Variants in SERPINB5 observed in about 807,000 individuals in gnomAD.
The protein encoded by SERPINB5 is serpin B5.
SERPINB5 carries 27 observed loss-of-function variants against 32.2 expected under a neutral mutation model. The observed-to-expected ratio is 0.84, with a 90% CI of 0.62 to 1.16. The LOEUF (loss-of-function observed/expected upper bound fraction) is 1.16, where lower values mean the gene tolerates loss of function less well. Ranked by LOEUF, SERPINB5 falls within the 50% of genes most tolerant of loss-of-function variation. The pLI is 0.00. For missense variants in SERPINB5, 388 were observed against 436.3 expected (o/e 0.89, Z 0.99); for synonymous variants, 154 against 157.4 (o/e 0.98, Z 0.16).
At chr18:63,502,261 G>A (rs1026859634) in intron 6 of SERPINB5, among the ~76,000 whole-genome samples, 3 of 150,558 alleles carry the variant, frequency 2.0e-5, no homozygotes, top group Non-Finnish European at 2.9e-5. Context: ...TCAGCCTCCC[G>A]AGTAGCTGGG....
At chr18:63,486,146 A>G (rs1297758207) in intron 2 of SERPINB5, 1 of 152,248 alleles carries the variant, frequency 6.6e-6, no homozygotes, top group East Asian at 1.9e-4. Context: ...ACATATAAGT[A>G]ATCCTCATTA....
chr18:63,492,847 G>A (rs1255624723), intron 4 of SERPINB5, 106 bp from the exon 5 acceptor site: 29 of 1,383,384 alleles, frequency 2.1e-5, no homozygotes, highest in Non-Finnish European at 2.9e-5. Context: ...GGCCTTACAT[G>A]GTGTGACTCC....
intron 1 of SERPINB5, among the ~76,000 whole-genome samples, chr18:63,479,194 T>C (rs554613120): frequency 5.9e-5 from 9 of 152,294 alleles, no homozygotes; most frequent in African/African-American, 2.2e-4. Context: ...AATCAGGATA[T>C]GTTTGAGAGT....
rs566865799 is a variant in SERPINB5 at position 63,497,385 on chromosome 18, C to T, written c.568-1735C>T. ...TCTGTTTGATGGTCGCCTTCCTTATCCTCTTCGCCATGTGAAGCTCTGTGG... is the reference window on the plus strand; with the variant it reads ...TCTGTTTGATGGTCGCCTTCCTTATTCTCTTCGCCATGTGAAGCTCTGTGG... On this transcript the variant is annotated intron_variant, in intron 5 of 6. Coordinates refer to ENST00000382771, the MANE Select transcript of SERPINB5 (RefSeq NM_002639.5). 2.6e-4 allele frequency: 328 copies of T among 1,261,748 alleles called. 2 individuals carry two copies. In the African/African-American group the frequency reaches 4.3e-3, roughly 16 times the overall value. 78.2% of individuals were successfully genotyped at this position (1,261,748 alleles called of 1,614,324 possible).
At chr18:63,488,099 A>G (rs1424612062) in intron 3 of SERPINB5, among the ~76,000 whole-genome samples, 1 of 152,090 alleles carries the variant, frequency 6.6e-6, no homozygotes, top group African/African-American at 2.4e-5. Flanking sequence ...TAAAGAGACA[A>G]TTAACACATT....
At chr18:63,483,325 T>C (rs1917154424) in intron 1 of SERPINB5, among the ~76,000 whole-genome samples, 1 of 152,192 alleles carries the variant, frequency 6.6e-6, no homozygotes, top group Non-Finnish European at 1.5e-5. Flanking sequence ...AAGGAGGAGG[T>C]CCACTGATCC....
intron 4 of SERPINB5, 114 bp from the exon 5 acceptor site, chr18:63,492,839 C>A: frequency 1.6e-6 from 2 of 1,286,904 alleles, no homozygotes; most frequent in Non-Finnish European, 2.2e-6. Context: ...AACCATCAGG[C>A]CTTACATGGT....
At chr18:63,482,792 C>T (rs8090049) in intron 1 of SERPINB5, among the ~76,000 whole-genome samples, 81,875 of 150,858 alleles carry the variant, frequency 0.54, 23,471 homozygotes, top group Non-Finnish European at 0.65. Context: ...GAAAACCAGA[C>T]ACATTTTGAA....
chr18:63,477,277 C>G (rs1917051384), intron 1 of SERPINB5: 1 of 152,176 alleles, frequency 6.6e-6, no homozygotes, highest in African/African-American at 2.4e-5. Context: ...GGAGTAAAAT[C>G]ACTTAACCAT....
chr18:63,484,819 C>A (rs1311583883), intron 2 of SERPINB5, among the ~76,000 whole-genome samples: 1 of 131,160 alleles, frequency 7.6e-6, no homozygotes, highest in African/African-American at 2.9e-5. Context: ...GCGATGTTGG[C>A]TCACTGCAGC....
chr18:63,481,363 A>T (rs895739516), intron 1 of SERPINB5, among the ~76,000 whole-genome samples: 1 of 152,242 alleles, frequency 6.6e-6, no homozygotes, highest in Non-Finnish European at 1.5e-5. Context: ...GATCTTAAAC[A>T]CCATCTTTCT....
chr18:63,484,074 T>C (rs1917166318), intron 1 of SERPINB5, among the ~76,000 whole-genome samples: 1 of 152,230 alleles, frequency 6.6e-6, no homozygotes, highest in Non-Finnish European at 1.5e-5. Context: ...GGAAACAATA[T>C]GTGATAAATA....
chr18:63,501,743 G>T (rs1339230041), intron 6 of SERPINB5, among the ~76,000 whole-genome samples: 1 of 152,134 alleles, frequency 6.6e-6, no homozygotes, highest in African/African-American at 2.4e-5. Flanking sequence ...ATTCTAACTG[G>T]TGTGAGATGG....
In SERPINB5 at chr18:63,498,648, T is replaced by C. The variant is rs1909500867; in HGVS notation, c.568-472T>C. 6.6e-6 allele frequency among the ~76,000 whole-genome samples: 1 copy of C among 152,140 alleles called. No homozygotes were observed. The highest frequency in any genetic ancestry group is 1.5e-5 in the Non-Finnish European group (1 of 68,022). On this transcript the variant is annotated intron_variant, in intron 5 of 6. Coordinates refer to ENST00000382771, the MANE Select transcript of SERPINB5 (RefSeq NM_002639.5). The surrounding 1 kb of genome is among the most constrained non-coding windows in gnomAD (Gnocchi z 4.2). ...AACTTTTCAAAGGAACACAAACTCT[T>C]CACAGGACAGTCTCTGGTTTCAGTG...
At position 63,479,375 on chromosome 18, in the gene SERPINB5, A is replaced by G. The variant is rs543904664; in HGVS notation, c.-8+2330A>G. On this transcript the variant is annotated intron_variant, in intron 1 of 6. Transcript: ENST00000382771. ...TGCATAAAAAACTTAGGAAATCTTC[A>G]TACAAAGACCAGTGACAAGCTATAA... is the stretch of plus-strand genomic sequence containing the variant. Among the ~76,000 whole-genome samples the G allele has an allele frequency of 3.3e-5, 5 of 152,306 alleles. No homozygotes were observed. The South Asian group carries it at 1.0e-3, about 32-fold the overall frequency.
intron 1 of SERPINB5, among the ~76,000 whole-genome samples, chr18:63,483,700 C>T (rs546618653): frequency 8.5e-5 from 13 of 152,344 alleles, no homozygotes; most frequent in South Asian, 4.1e-4. Context: ...CATTGCCATA[C>T]GGCATGCCCT....
In SERPINB5 at chr18:63,498,885, A is replaced by G. The variant is rs1909508258; in HGVS notation, c.568-235A>G. 6.6e-6 allele frequency among the ~76,000 whole-genome samples: 1 copy of G among 150,378 alleles called. No homozygotes were observed. The highest frequency in any genetic ancestry group is 6.7e-5 in the Admixed American group (1 of 15,020). On this transcript the variant is annotated intron_variant, in intron 5 of 6. Coordinates refer to ENST00000382771, the MANE Select transcript of SERPINB5 (RefSeq NM_002639.5). The surrounding 1 kb of genome is among the most constrained non-coding windows in gnomAD (Gnocchi z 4.2). ...TGTATATATAGGTGTGTGTATATGT[A>G]TATGTATGTATATGTATGTATGCAT...
In SERPINB5 at chr18:63,504,818, CAT is replaced by C. The variant is rs1909644727; in HGVS notation, c.*1098_*1099del. ...TTAAAGTGCTCACGTTACCTTGACA[CAT>C]AGTTTTTCAGTCTATGGGTTTAGTT... is the stretch of plus-strand genomic sequence containing the variant. On this transcript the variant is annotated 3_prime_UTR_variant, in exon 7 of 7. Transcript: ENST00000382771. The C allele has an allele frequency of 6.6e-6, 1 of 152,202 alleles. No homozygotes were observed. Among genetic ancestry groups the C allele is most frequent in the African/African-American group, 2.4e-5 (1 of 41,448 alleles). 9.4% of individuals were successfully genotyped at this position (152,202 alleles called of 1,614,324 possible). A position where few individuals can be genotyped will look rare whatever the true frequency, so the allele number is the denominator to read the frequency against.
Position 63,484,455 on chromosome 18 carries a change from G to A in SERPINB5, c.27G>A (p.Ser9=), listed in dbSNP as rs145802990. The A allele has an allele frequency of 1.9e-5, 31 of 1,613,158 alleles. No individual in the cohort carries two copies. The highest frequency in any genetic ancestry group is 6.7e-5 in the Admixed American group (4 of 59,844). Residue 9 remains serine (S), a synonymous_variant, in exon 2 of 7, where the codon TCG becomes TCA. Coordinates refer to ENST00000382771, the MANE Select transcript of SERPINB5 (RefSeq NM_002639.5). ...TGGATGCCCTGCAACTAGCAAATTCGGCTTTTGCCGTTGATCTGTTCAAAC... is the reference window on the plus strand; with the variant it reads ...TGGATGCCCTGCAACTAGCAAATTCAGCTTTTGCCGTTGATCTGTTCAAAC... MDALQLAN[S]AFAVDLFKQL...
Sources: allele counts gnomAD v4.1 joint callset (sites outside exome capture counted in the v4.1 genomes callset), GRCh38; gene constraint gnomAD v4.1.1; non-coding constraint Gnocchi (gnomAD v3.1); transcripts MANE v1.5; gene names NCBI Gene and HGNC (gene_info 2026-07-23, HGNC 2026-07-21).